TRPC5: variants seen among roughly 807,000 people sequenced by gnomAD.
TRPC5 encodes the protein transient receptor potential cation channel subfamily C member 5, also known as short transient receptor potential channel 5.
Under a neutral mutation model 56.5 loss-of-function variants are expected in TRPC5, and 9 were observed. The observed-to-expected ratio is 0.16, with a 90% CI of 0.10 to 0.28. TRPC5 has a LOEUF of 0.28. Ranked by LOEUF, TRPC5 falls within the 10% of genes least tolerant of loss-of-function variation. The pLI is 1.00. For missense variants in TRPC5, 469 were observed against 748.9 expected, an observed-to-expected ratio of 0.63 and a Z score of 4.36; for synonymous variants, 282 against 278.5, an observed-to-expected ratio of 1.01 and a Z score of -0.13.
intron 1 of TRPC5, among the ~76,000 whole-genome samples, chrX:111,965,738 G>A (rs762571319): frequency 9.4e-4 from 105 of 111,860 alleles, no homozygotes; most frequent in African/African-American, 3.0e-3. Flanking sequence ...GGTACATAAC[G>A]AAATGAAGGC....
intron 1 of TRPC5, among the ~76,000 whole-genome samples, chrX:112,074,995 T>C (rs1457452734): frequency 8.9e-6 from 1 of 112,416 alleles, no homozygotes; most frequent in African/African-American, 3.2e-5. Flanking sequence ...CCTGCGACAA[T>C]CTTCTTTACC....
At chrX:111,808,460 G>T (rs956602015) in intron 7 of TRPC5, among the ~76,000 whole-genome samples, 11 of 110,836 alleles carry the variant, frequency 9.9e-5, no homozygotes, top group African/African-American at 3.6e-4. Context: ...CCTGCCTACT[G>T]CTGATGTTCA....
chrX:111,841,123 A>G (rs187530133), intron 6 of TRPC5, among the ~76,000 whole-genome samples: 12 of 112,293 alleles, frequency 1.1e-4, no homozygotes, highest in Middle Eastern at 4.6e-3. Flanking sequence ...CTACGTGTGT[A>G]TCCATGTTAA....
At chrX:111,888,993 G>A (rs975357769) in intron 3 of TRPC5, among the ~76,000 whole-genome samples, 1 of 111,881 alleles carries the variant, frequency 8.9e-6, no homozygotes, top group Non-Finnish European at 1.9e-5. Flanking sequence ...AGAGTACCAA[G>A]GATTTAGTTT....
chrX:112,037,428 G>T (rs753626358), intron 1 of TRPC5, among the ~76,000 whole-genome samples: 1 of 111,584 alleles, frequency 9.0e-6, no homozygotes, highest in East Asian at 2.8e-4. Context: ...TGCTCTATCC[G>T]GCTTGTACTG....
chrX:111,857,923 A>C (rs1211508729), intron 3 of TRPC5, among the ~76,000 whole-genome samples: 2 of 112,497 alleles, frequency 1.8e-5, no homozygotes, highest in African/African-American at 6.5e-5. Context: ...CAAATGCAGA[A>C]GTGAAGCTTC....
chrX:112,020,944 T>C (rs1253896856), intron 1 of TRPC5, among the ~76,000 whole-genome samples: 1 of 108,372 alleles, frequency 9.2e-6, no homozygotes, highest in Non-Finnish European at 1.9e-5. Flanking sequence ...TGGGGATATT[T>C]ATCTAGTTGC....
intron 2 of TRPC5, among the ~76,000 whole-genome samples, chrX:111,922,057 T>A (rs958077335): frequency 8.9e-6 from 1 of 112,471 alleles, no homozygotes; most frequent in Non-Finnish European, 1.9e-5. Flanking sequence ...ATACTCCTTT[T>A]TCCCCACTGT....
intron 1 of TRPC5, among the ~76,000 whole-genome samples, chrX:112,016,729 A>G (rs771211575): frequency 8.9e-6 from 1 of 111,744 alleles, no homozygotes; most frequent in African/African-American, 3.3e-5. Context: ...ATGTGTGTGT[A>G]GAGGGAGGTG....
At chrX:111,785,910 C>A (rs1945959601) in intron 7 of TRPC5, among the ~76,000 whole-genome samples, 1 of 111,585 alleles carries the variant, frequency 9.0e-6, no homozygotes, top group Admixed American at 9.5e-5. Flanking sequence ...AAATATGGGA[C>A]TATGGGAAAA....
At chrX:111,891,452 A>G (rs1195093841) in intron 3 of TRPC5, among the ~76,000 whole-genome samples, 2 of 112,483 alleles carry the variant, frequency 1.8e-5, no homozygotes, top group Non-Finnish European at 3.8e-5. Flanking sequence ...CAGCTGTGCA[A>G]TCTTGACGAG....
intron 1 of TRPC5, among the ~76,000 whole-genome samples, chrX:111,981,257 C>A (rs1928075428): frequency 9.1e-6 from 1 of 109,912 alleles, no homozygotes; most frequent in African/African-American, 3.3e-5. Context: ...TGTTTCAGTT[C>A]AAGTTCAAAG....
chrX:111,992,449 C>G (rs1433602614), intron 1 of TRPC5, among the ~76,000 whole-genome samples: 1 of 111,332 alleles, frequency 9.0e-6, no homozygotes, highest in Non-Finnish European at 1.9e-5. Context: ...TAATTTCTAC[C>G]TTAACCCCAG....
intron 1 of TRPC5, among the ~76,000 whole-genome samples, chrX:111,963,263 G>T (rs1246634988): frequency 2.7e-5 from 3 of 112,542 alleles, no homozygotes; most frequent in Non-Finnish European, 5.6e-5. Flanking sequence ...CAAGGTGGCA[G>T]TGAGGCTGGG....
chrX:112,051,960 C>CT (rs1390956062), intron 1 of TRPC5, among the ~76,000 whole-genome samples: 1 of 111,862 alleles, frequency 8.9e-6, no homozygotes, highest in East Asian at 2.8e-4. Flanking sequence ...AATTTCCTTC[C>CT]TTTTTTTAGG....
chrX:111,793,525 C>G (rs1946038756), intron 7 of TRPC5, among the ~76,000 whole-genome samples: 1 of 111,574 alleles, frequency 9.0e-6, no homozygotes, highest in Non-Finnish European at 1.9e-5. Flanking sequence ...AATAGGATGA[C>G]TATTATAAGA....
At chrX:111,968,638 T>C (rs931950521) in intron 1 of TRPC5, among the ~76,000 whole-genome samples, 9 of 109,279 alleles carry the variant, frequency 8.2e-5, no homozygotes, top group African/African-American at 3.0e-4. Context: ...TGGAATACTA[T>C]GCAGCCATAA....
chrX:111,878,117 T>C (rs1225651943), intron 3 of TRPC5, among the ~76,000 whole-genome samples: 2 of 110,697 alleles, frequency 1.8e-5, no homozygotes, highest in Non-Finnish European at 3.8e-5. Context: ...AAACATCAGC[T>C]CAAGATCCAA....
chrX:111,905,138 C>G (rs749401507), intron 3 of TRPC5, among the ~76,000 whole-genome samples: 1 of 109,210 alleles, frequency 9.2e-6, no homozygotes, highest in African/African-American at 3.4e-5. Context: ...ACGTTATTAA[C>G]CCATTGTGAT....
Sources: allele counts gnomAD v4.1 joint callset (sites outside exome capture counted in the v4.1 genomes callset), GRCh38; gene constraint gnomAD v4.1.1; transcripts MANE v1.5; gene names NCBI Gene and HGNC (gene_info 2026-07-23, HGNC 2026-07-21).